Variants in FASTKD2 observed in about 807,000 individuals in gnomAD.
FASTKD2 encodes FAST kinase domains 2, also known as FAST kinase domain-containing protein 2, mitochondrial.
Under a neutral mutation model 63.6 loss-of-function variants are expected in FASTKD2, and 51 were observed. The observed-to-expected ratio is 0.80, with a 90% CI of 0.64 to 1.01. FASTKD2 has a LOEUF of 1.01. FASTKD2 is among the 50% of genes least tolerant of loss of function. The pLI is 0.00. For synonymous variants in FASTKD2, 284 were observed against 293.4 expected (o/e 0.97, Z 0.33); for missense variants, 786 against 831.1 (o/e 0.95, Z 0.67).
At chr2:206,778,654 T>C (rs1015247747) in intron 7 of FASTKD2, among the ~76,000 whole-genome samples, 1 of 152,014 alleles carries the variant, frequency 6.6e-6, no homozygotes, top group Non-Finnish European at 1.5e-5. Context: ...GTGTCTGTTA[T>C]ATCCATTTCA....
rs58656956 is a variant in FASTKD2, at chr2:206,793,220, C to CAAAAAAAAAAAAAAAAAAAA, written c.*1430_*1449dup. ...CTGACCACAGAGCGAGACTCTGTCT[C>CAAAAAAAAAAAAAAAAAAAA]AAAAAAAAAAAAAAAAAAAAAAAAA... On this transcript the variant is annotated 3_prime_UTR_variant, in exon 12 of 12. Transcript: ENST00000402774. 9.1e-5 allele frequency among the ~76,000 whole-genome samples: 6 copies of CAAAAAAAAAAAAAAAAAAAA among 65,820 alleles called. No homozygotes were observed. The highest frequency in any genetic ancestry group is 1.8e-4 in the African/African-American group (3 of 16,240). 43.2% of individuals were successfully genotyped at this position (65,820 alleles called of 152,430 possible).
At chr2:206,766,578 A>G in intron 1 of FASTKD2, 66 bp from the exon 2 acceptor site, 2 of 925,278 alleles carry the variant, frequency 2.2e-6, no homozygotes, top group South Asian at 1.4e-5. Flanking sequence ...TGTTAAATGC[A>G]TTTCATTTCT....
In FASTKD2 at chr2:206,772,102, T is replaced by C. The variant is rs1216352826; in HGVS notation, c.1115-79T>C. ...TGTTTTGTTTTAAAAACTTTGCTTT[T>C]ATATGAAAAAAGAATAAAGCATGTT... On this transcript the variant is annotated intron_variant, in intron 5 of 11. Transcript: ENST00000402774. 15 of 1,595,606 alleles carry C rather than the reference T, an allele frequency of 9.4e-6. No individual in the cohort carries two copies. The East Asian group carries it at 3.1e-4, about 33-fold the overall frequency.
At position 206,796,184 on chromosome 2, in the gene FASTKD2, T is replaced by C. The variant is rs1311132870; in HGVS notation, c.*4382T>C. ...ATCAATAAAAATTGGATACTTTGCT[T>C]TAAAAGTTTGTGAATTTTGCTTTTA... On this transcript the variant is annotated 3_prime_UTR_variant, in exon 12 of 12. Coordinates refer to ENST00000402774, the MANE Select transcript of FASTKD2 (RefSeq NM_001136193.2). Among the ~76,000 whole-genome samples the C allele has an allele frequency of 6.6e-6, 1 of 152,220 alleles. No homozygotes were observed. The highest frequency in any genetic ancestry group is 1.5e-5 in the Non-Finnish European group (1 of 68,038).
At position 206,767,444 on chromosome 2, in the gene FASTKD2, G is replaced by A. The variant is rs748386231; in HGVS notation, c.751G>A (p.Val251Met). 1.2e-6 allele frequency: 2 copies of A among 1,612,016 alleles called. No individual in the cohort carries two copies. The highest frequency in any genetic ancestry group is 8.5e-7 in the Non-Finnish European group (1 of 1,180,008). Residue 251 changes from valine (V) to methionine (M), a missense_variant, in exon 2 of 12, where the codon GTG becomes ATG. Transcript: ENST00000402774. ...TGGAATCCCTCAGAACACTATTTTG[G>A]TGCAGACTTTGCTGAGGGTGACCCA... Reference protein sequence around the residue: ...KLGIPQNTILVQTLLRVTQER... With the variant: ...KLGIPQNTILMQTLLRVTQER...
At chr2:206,770,027 C>G in intron 2 of FASTKD2, 64 bp from the exon 3 acceptor site, 5 of 1,040,608 alleles carry the variant, frequency 4.8e-6, no homozygotes, top group South Asian at 1.3e-5. Flanking sequence ...AGTGGTTTTG[C>G]TTGGGTAAGA....
intron 7 of FASTKD2, among the ~76,000 whole-genome samples, chr2:206,778,671 G>A (rs990584638): frequency 4.0e-5 from 6 of 151,848 alleles, no homozygotes; most frequent in Admixed American, 1.3e-4. Context: ...TTCATCTGTA[G>A]CAGGGGACCC....
At chr2:206,784,267 A>G (rs897386704) in intron 7 of FASTKD2, among the ~76,000 whole-genome samples, 1 of 152,258 alleles carries the variant, frequency 6.6e-6, no homozygotes, top group Non-Finnish European at 1.5e-5. Context: ...GTAGGCACCA[A>G]GTAAGTGCTT....
intron 1 of FASTKD2, among the ~76,000 whole-genome samples, chr2:206,766,171 AATTGCTTGAACCTGGGAGGTGGAGGTTGC>A (rs1689448167): frequency 1.4e-5 from 2 of 148,134 alleles, no homozygotes. Context: ...GAGACAGGAG[AATTGCTTGAACCTGGGAGGTGGAGGTTGC>A]AGTGAGCCAA....
intron 8 of FASTKD2, 121 bp downstream of exon 8, chr2:206,787,020 T>C: frequency 2.9e-6 from 2 of 690,194 alleles, no homozygotes; most frequent in Non-Finnish European, 5.1e-6. Context: ...GCAGAGCAGG[T>C]GTTGCTGTGG....
chr2:206,791,125 C>T (rs1320411065), intron 11 of FASTKD2: 1 of 210,470 alleles, frequency 4.8e-6, no homozygotes, highest in Non-Finnish European at 9.6e-6. Context: ...TCTTTCTCTT[C>T]CCTCTTATGC....
At chr2:206,770,704 T>C (rs1031999675) in intron 3 of FASTKD2, among the ~76,000 whole-genome samples, 1 of 136,492 alleles carries the variant, frequency 7.3e-6, no homozygotes, top group African/African-American at 2.9e-5. Context: ...CACTCCAGCC[T>C]GGGCAACAGA....
At chr2:206,784,572 C>G (rs1690086940) in intron 7 of FASTKD2, among the ~76,000 whole-genome samples, 1 of 152,170 alleles carries the variant, frequency 6.6e-6, no homozygotes, top group Non-Finnish European at 1.5e-5. Flanking sequence ...TTCTTCTCTT[C>G]TTGATCTGTA....
At chr2:206,769,528 A>C (rs1689610870) in intron 2 of FASTKD2, among the ~76,000 whole-genome samples, 1 of 152,230 alleles carries the variant, frequency 6.6e-6, no homozygotes, top group Non-Finnish European at 1.5e-5. Context: ...GACCTGAAAG[A>C]AGAATCTGTG....
chr2:206,777,674 G>A (rs1197506055), intron 7 of FASTKD2, among the ~76,000 whole-genome samples: 1 of 152,164 alleles, frequency 6.6e-6, no homozygotes, highest in Non-Finnish European at 1.5e-5. Flanking sequence ...CTCATAAAAT[G>A]AGTTCTCTGT....
Position 206,790,683 on chromosome 2 carries a change from C to G in FASTKD2, c.2010C>G (p.Ile670Met), listed in dbSNP as rs1333947617. 6.4e-7 allele frequency: 1 copy of G among 1,559,422 alleles called. No individual in the cohort carries two copies. Among genetic ancestry groups the G allele is most frequent in the Non-Finnish European group, 8.8e-7 (1 of 1,130,522 alleles). ...TGAATGCAATGGGTTTTCATGTGAT[C>G]TTGGTGAGAAAAAAATGCAAATGAA... ...RHLNAMGFHV[I>M]LVNNWEMDKL... is the part of the protein sequence containing the mutation. Residue 670 changes from isoleucine to methionine, a missense_variant, in exon 11 of 12, where the codon ATC (isoleucine) becomes ATG (methionine). By Grantham distance (10) the Ile-to-Met change is conservative. Coordinates refer to ENST00000402774, the MANE Select transcript of FASTKD2 (RefSeq NM_001136193.2).
At chr2:206,783,675 C>T (rs1046135475) in intron 7 of FASTKD2, among the ~76,000 whole-genome samples, 12 of 152,080 alleles carry the variant, frequency 7.9e-5, no homozygotes, top group African/African-American at 2.9e-4. Flanking sequence ...AAAATTGTTA[C>T]ATTGAAAATA....
chr2:206,765,615 A>C lies in FASTKD2; in HGVS notation c.-183A>C. 3 of 863,760 alleles carry C rather than the reference A, an allele frequency of 3.5e-6. No homozygotes were observed. In the South Asian group the frequency reaches 1.3e-4, roughly 36 times the overall value. 53.5% of individuals were successfully genotyped at this position (863,760 alleles called of 1,614,324 possible). On this transcript the variant is annotated 5_prime_UTR_variant, in exon 1 of 12. An upstream start codon of the reference 5' UTR is lost. Transcript: ENST00000402774. ...AGCGCAGCTTCTCGGGGAAGCTGTC[A>C]TGGCTGCTCCTGTACGTAGTCACGG...
chr2:206,791,854 A>G lies in FASTKD2; in HGVS notation c.*52A>G. 9 of 1,546,782 alleles carry G rather than the reference A, an allele frequency of 5.8e-6. No individual in the cohort carries two copies. Among genetic ancestry groups the G allele is most frequent in the Non-Finnish European group, 7.1e-6 (8 of 1,127,924 alleles). ...GAGACATGCATTTGTAAAAATTAAT[A>G]AAGATGACAAGTCAGTTGTCAATGG... On this transcript the variant is annotated 3_prime_UTR_variant, in exon 12 of 12. Transcript: ENST00000402774.
Sources: gnomAD v4.1 joint callset for allele counts (sites outside exome capture counted in the v4.1 genomes callset) on GRCh38, gnomAD v4.1.1 for gene constraint, MANE v1.5 for transcripts, NCBI Gene and HGNC (gene_info 2026-07-23, HGNC 2026-07-21) for gene names.